The following GRID2 variants were observed in gnomAD, a reference collection of about 807,000 sequenced individuals.
GRID2 encodes the protein glutamate ionotropic receptor delta type subunit 2.
Under a neutral mutation model 114.8 loss-of-function variants are expected in GRID2, and 33 were observed. The observed-to-expected ratio is 0.29, with a 90% CI of 0.22 to 0.38. GRID2 has a LOEUF of 0.38. Among genes scored for constraint, GRID2 ranks in the 10% least tolerant of loss-of-function variants. The pLI, the probability that GRID2 is intolerant of heterozygous loss-of-function variation, is 1.00. For missense variants in GRID2, 1,184 were observed against 1,257.7 expected (o/e 0.94, Z 0.89); for synonymous variants, 505 against 449.9 (o/e 1.12, Z -1.55).
At chr4:92,421,252 T>G (rs141796927) in intron 1 of GRID2, among the ~76,000 whole-genome samples, 1 of 152,248 alleles carries the variant, frequency 6.6e-6, no homozygotes, top group African/African-American at 2.4e-5. Flanking sequence ...GTTTTATATT[T>G]ATTAATTTAG....
Position 93,322,951 on chromosome 4 carries a change from T to C in GRID2, c.1246-72656T>C, listed in dbSNP as rs553973697. Among the ~76,000 whole-genome samples the C allele has an allele frequency of 5.3e-5, 8 of 152,304 alleles. No individual in the cohort carries two copies. The East Asian group carries it at 1.5e-3, about 29-fold the overall frequency. ...TTTGTAGATTCTGGATATAAGCCCT[T>C]TGTCAGATGAGTAGACTGCAAAAAT... On this transcript the variant is annotated intron_variant, in intron 8 of 15. Coordinates refer to ENST00000282020, the MANE Select transcript of GRID2 (RefSeq NM_001510.4).
rs181840554 is a variant in GRID2 at position 93,038,748 on chromosome 4, G to A, written c.245-46247G>A. On this transcript the variant is annotated intron_variant, in intron 2 of 15. Coordinates refer to ENST00000282020, the MANE Select transcript of GRID2 (RefSeq NM_001510.4). The stretch of plus-strand genomic sequence containing the variant: ...GGAGCTTAGAGTGAGCTGAGATTGT[G>A]CCACTGCACTCCAGCCTGGGTGACA... 2.6e-3 allele frequency among the ~76,000 whole-genome samples: 389 copies of A among 152,040 alleles called. 2 individuals are homozygous for A. Among genetic ancestry groups the A allele is most frequent in the African/African-American group, 8.8e-3 (365 of 41,450 alleles).
At chr4:92,976,559 T>C (rs557141475) in intron 2 of GRID2, among the ~76,000 whole-genome samples, 2 of 152,230 alleles carry the variant, frequency 1.3e-5, no homozygotes, top group Non-Finnish European at 2.9e-5. Context: ...TTGCCCTAAG[T>C]ATATAATACA....
At chr4:93,065,782 A>G (rs1728239314) in intron 2 of GRID2, among the ~76,000 whole-genome samples, 1 of 151,772 alleles carries the variant, frequency 6.6e-6, no homozygotes, top group South Asian at 2.1e-4. Context: ...TTAACAGTTC[A>G]TTTTTCCTTA....
intron 13 of GRID2, among the ~76,000 whole-genome samples, chr4:93,577,511 A>G (rs1009113852): frequency 2.6e-5 from 4 of 152,236 alleles, no homozygotes; most frequent in African/African-American, 7.2e-5. Flanking sequence ...ATTGTCATGC[A>G]TGTATTAAAT....
At chr4:93,607,150 A>G (rs1740325359) in intron 13 of GRID2, among the ~76,000 whole-genome samples, 2 of 151,996 alleles carry the variant, frequency 1.3e-5, no homozygotes, top group Non-Finnish European at 2.9e-5. Flanking sequence ...ACCTCCAGCC[A>G]TATTTTTCTA....
At chr4:93,170,885 G>T (rs1403347498) in intron 4 of GRID2, among the ~76,000 whole-genome samples, 2 of 150,338 alleles carry the variant, frequency 1.3e-5, no homozygotes, top group Non-Finnish European at 2.9e-5. Flanking sequence ...TGCAATTCAA[G>T]AACTATTCCA....
intron 13 of GRID2, among the ~76,000 whole-genome samples, chr4:93,542,227 A>G (rs1732720081): frequency 6.6e-6 from 1 of 152,142 alleles, no homozygotes; most frequent in Admixed American, 6.5e-5. Flanking sequence ...CTGTGTTTCT[A>G]CCCACCTAAA....
intron 1 of GRID2, among the ~76,000 whole-genome samples, chr4:92,564,454 A>G (rs1479889241): frequency 2.0e-5 from 3 of 152,004 alleles, no homozygotes; most frequent in Non-Finnish European, 2.9e-5. Flanking sequence ...ACAAGTGCCA[A>G]TAGAGCACCT....
chr4:93,333,108 A>G (rs1030104347), intron 8 of GRID2, among the ~76,000 whole-genome samples: 1 of 152,086 alleles, frequency 6.6e-6, no homozygotes, highest in African/African-American at 2.4e-5. Flanking sequence ...AACACAAATT[A>G]CAGGTAGGCC....
chr4:92,411,915 C>G (rs1299377499), intron 1 of GRID2, among the ~76,000 whole-genome samples: 1 of 151,676 alleles, frequency 6.6e-6, no homozygotes, highest in Non-Finnish European at 1.5e-5. Context: ...CTGTGTTAGC[C>G]AGGATGGTCT....
chr4:93,347,172 C>T (rs1334552164), intron 8 of GRID2, among the ~76,000 whole-genome samples: 1 of 151,764 alleles, frequency 6.6e-6, no homozygotes, highest in Admixed American at 6.6e-5. Context: ...TCTCACACTA[C>T]CATGGGAAGC....
intron 2 of GRID2, among the ~76,000 whole-genome samples, chr4:92,813,773 T>C (rs1225381058): frequency 1.3e-5 from 2 of 152,122 alleles, no homozygotes; most frequent in Admixed American, 6.6e-5. Flanking sequence ...GTATCTAATA[T>C]AAAACTGAGT....
At chr4:92,757,731 G>A (rs1737797632) in intron 2 of GRID2, among the ~76,000 whole-genome samples, 2 of 151,902 alleles carry the variant, frequency 1.3e-5, no homozygotes, top group East Asian at 1.9e-4. Flanking sequence ...TCACTAGTGA[G>A]GAACAGCCAT....
intron 13 of GRID2, among the ~76,000 whole-genome samples, chr4:93,521,596 G>C (rs1380210631): frequency 6.6e-6 from 1 of 152,062 alleles, no homozygotes; most frequent in Non-Finnish European, 1.5e-5. Flanking sequence ...GACAACAACA[G>C]GCCTGGTAGA....
At chr4:93,151,461 A>G (rs1365659765) in intron 4 of GRID2, among the ~76,000 whole-genome samples, 1 of 152,062 alleles carries the variant, frequency 6.6e-6, no homozygotes, top group Non-Finnish European at 1.5e-5. Context: ...CAAACCAGCA[A>G]TAAGGGCAGA....
chr4:92,359,787 A>G (rs774013484), intron 1 of GRID2, among the ~76,000 whole-genome samples: 5 of 151,960 alleles, frequency 3.3e-5, no homozygotes, highest in Non-Finnish European at 7.4e-5. Flanking sequence ...TGCCAACTCA[A>G]TGAAAGGCTT....
At chr4:92,344,488 T>G (rs1382938806) in intron 1 of GRID2, among the ~76,000 whole-genome samples, 1 of 152,222 alleles carries the variant, frequency 6.6e-6, no homozygotes, top group Non-Finnish European at 1.5e-5. Context: ...ATCTTTTTCC[T>G]TACAAACTTA....
At chr4:92,377,462 A>G (rs183856916) in intron 1 of GRID2, among the ~76,000 whole-genome samples, 63 of 151,858 alleles carry the variant, frequency 4.1e-4, no homozygotes, top group African/African-American at 1.4e-3. Context: ...ACTTGCCCAC[A>G]TTTTCCTGTC....
Sources: gnomAD v4.1 joint callset for allele counts (sites outside exome capture counted in the v4.1 genomes callset) on GRCh38, gnomAD v4.1.1 for gene constraint, MANE v1.5 for transcripts, NCBI Gene and HGNC (gene_info 2026-07-23, HGNC 2026-07-21) for gene names.